WDR49: variants seen among roughly 807,000 people sequenced by gnomAD.
WDR49 encodes the protein WD repeat domain 49.
Under a neutral mutation model 119.5 loss-of-function variants are expected in WDR49, and 107 were observed. The observed-to-expected ratio is 0.90, with a 90% CI of 0.77 to 1.05. WDR49 has a LOEUF of 1.05. Ranked by LOEUF, WDR49 falls within the 50% of genes least tolerant of loss-of-function variation. The pLI is 0.00. For synonymous variants in WDR49, 425 were observed against 418.8 expected, an observed-to-expected ratio of 1.01 and a Z score of -0.18; for missense variants, 1,240 against 1,220.5, an observed-to-expected ratio of 1.02 and a Z score of -0.24.
intron 16 of WDR49, among the ~76,000 whole-genome samples, chr3:167,517,256 C>G (rs1353828105): frequency 6.6e-6 from 1 of 152,084 alleles, no homozygotes; most frequent in Non-Finnish European, 1.5e-5. Flanking sequence ...CATCAGGCTA[C>G]CCAACTTCAA....
intron 13 of WDR49, among the ~76,000 whole-genome samples, chr3:167,530,185 A>AATGATTAAAAAT (rs1317038440): frequency 2.6e-5 from 4 of 152,100 alleles, no homozygotes; most frequent in Non-Finnish European, 5.9e-5. Flanking sequence ...ATTGATTCTT[A>AATGATTAAAAAT]ATGATTAAAA....
rs549173726 is a variant in WDR49 at position 167,535,506 on chromosome 3, T to C, written c.1954+1364A>G. 1.7e-4 allele frequency among the ~76,000 whole-genome samples: 26 copies of C among 152,204 alleles called. No homozygotes were observed. In the South Asian group the frequency reaches 5.4e-3, roughly 32 times the overall value. On this transcript the variant is annotated intron_variant, in intron 11 of 18. Coordinates refer to ENST00000682715, the MANE Select transcript of WDR49 (RefSeq NM_001366157.1). Reference sequence around the variant, plus strand: ...ACGAAAAAATGTTCAACATCACTGATTATCAGGGAAATACAAATCAAAACA... The same window carrying C: ...ACGAAAAAATGTTCAACATCACTGACTATCAGGGAAATACAAATCAAAACA...
intron 7 of WDR49, among the ~76,000 whole-genome samples, chr3:167,579,054 G>A (rs796960054): frequency 6.6e-5 from 10 of 151,916 alleles, no homozygotes; most frequent in African/African-American, 2.2e-4. Flanking sequence ...TCCCCTACTC[G>A]CACTTCTCTC....
At chr3:167,618,313 A>C (rs1295108781) in intron 5 of WDR49, among the ~76,000 whole-genome samples, 9 of 152,210 alleles carry the variant, frequency 5.9e-5, no homozygotes, top group Admixed American at 5.9e-4. Flanking sequence ...TATTTCATTC[A>C]GATATTAAGT....
chr3:167,584,506 A>G (rs1397464381), intron 7 of WDR49, among the ~76,000 whole-genome samples: 2 of 152,294 alleles, frequency 1.3e-5, no homozygotes, highest in Middle Eastern at 3.4e-3. Flanking sequence ...AAGAAAAACA[A>G]TAAGTAGGAA....
intron 2 of WDR49, among the ~76,000 whole-genome samples, chr3:167,643,979 G>C (rs1202755243): frequency 6.6e-6 from 1 of 150,938 alleles, no homozygotes; most frequent in African/African-American, 2.4e-5. Flanking sequence ...ACAAAAACTG[G>C]CTACCAGATC....
chr3:167,548,714 T>C (rs1472335099), intron 10 of WDR49, among the ~76,000 whole-genome samples: 1 of 152,104 alleles, frequency 6.6e-6, no homozygotes, highest in African/African-American at 2.4e-5. Flanking sequence ...TTATTATACT[T>C]TAAGTTCCAT....
intron 7 of WDR49, among the ~76,000 whole-genome samples, chr3:167,579,168 C>T (rs960398440): frequency 6.6e-6 from 1 of 152,050 alleles, no homozygotes; most frequent in Non-Finnish European, 1.5e-5. Context: ...GTCAGTTCCT[C>T]ACCATGCCTT....
chr3:167,652,993 T>A (rs1005993910), intron 2 of WDR49, among the ~76,000 whole-genome samples: 2 of 152,038 alleles, frequency 1.3e-5, no homozygotes, highest in Non-Finnish European at 2.9e-5. Context: ...AAGAAAAAAA[T>A]TTTTTCCAAC....
At chr3:167,545,053 T>A (rs944857987) in intron 10 of WDR49, among the ~76,000 whole-genome samples, 1 of 151,676 alleles carries the variant, frequency 6.6e-6, no homozygotes, top group African/African-American at 2.4e-5. Context: ...AATAGAAAAT[T>A]TTTAAAAGAA....
chr3:167,617,383 C>T (rs529604387), intron 5 of WDR49, among the ~76,000 whole-genome samples: 8 of 152,036 alleles, frequency 5.3e-5, no homozygotes, highest in Middle Eastern at 3.4e-3. Flanking sequence ...AAAAATTAGC[C>T]GGGCATGGTG....
chr3:167,613,822 G>A (rs1010787486), intron 5 of WDR49, among the ~76,000 whole-genome samples: 2 of 151,694 alleles, frequency 1.3e-5, no homozygotes, highest in African/African-American at 4.8e-5. Flanking sequence ...GCTCATGCCT[G>A]TAATCCCAGG....
intron 2 of WDR49, among the ~76,000 whole-genome samples, chr3:167,638,458 A>G (rs1717724513): frequency 6.6e-6 from 1 of 151,548 alleles, no homozygotes; most frequent in South Asian, 2.1e-4. Flanking sequence ...TAAAATTAAC[A>G]TGCTGGTTTC....
chr3:167,554,932 T>C (rs1441194622), intron 9 of WDR49, 134 bp from the exon 10 acceptor site: 10 of 609,426 alleles, frequency 1.6e-5, no homozygotes, highest in Non-Finnish European at 2.7e-5. Flanking sequence ...ACTATATTAC[T>C]CTTGTAATAT....
At chr3:167,536,732 TACAC>T (rs1004250850) in intron 11 of WDR49, 134 bp downstream of exon 11, 3 of 201,216 alleles carry the variant, frequency 1.5e-5, no homozygotes, top group Non-Finnish European at 1.7e-5. Flanking sequence ...TATATATATA[TACAC>T]ACACACACAC....
intron 8 of WDR49, among the ~76,000 whole-genome samples, chr3:167,563,063 A>C (rs773972572): frequency 1.6e-4 from 25 of 152,304 alleles, no homozygotes; most frequent in African/African-American, 3.8e-4. Flanking sequence ...TAGACAATTA[A>C]ATTTTAGAAA....
upstream of WDR49, among the ~76,000 whole-genome samples, chr3:167,654,709 A>G (rs1158262367): frequency 2.0e-5 from 3 of 152,120 alleles, no homozygotes; most frequent in Non-Finnish European, 4.4e-5. Flanking sequence ...CAGCCTGGGC[A>G]ACATGACGAG....
chr3:167,603,614 A>T (rs1368899317), intron 6 of WDR49, among the ~76,000 whole-genome samples: 2 of 152,096 alleles, frequency 1.3e-5, no homozygotes, highest in Non-Finnish European at 2.9e-5. Flanking sequence ...TACCCTATTA[A>T]TTTTTCAATA....
chr3:167,542,365 C>T (rs1252347191), intron 10 of WDR49, among the ~76,000 whole-genome samples: 2 of 152,002 alleles, frequency 1.3e-5, no homozygotes, highest in African/African-American at 2.4e-5. Flanking sequence ...GAACATTCTC[C>T]AAGATACAAC....
Sources: gnomAD v4.1 joint callset for allele counts (sites outside exome capture counted in the v4.1 genomes callset) on GRCh38, gnomAD v4.1.1 for gene constraint, MANE v1.5 for transcripts, NCBI Gene and HGNC (gene_info 2026-07-23, HGNC 2026-07-21) for gene names.